Variants in ARL15 observed in about 807,000 individuals in gnomAD.
ARL15 encodes the protein ADP-ribosylation factor-like protein 15.
A neutral mutation model predicts 25.2 loss-of-function variants in ARL15; 19 were observed. That is an observed-to-expected ratio of 0.75 (90% CI 0.53 to 1.10). The LOEUF is 1.10. Ranked by LOEUF, ARL15 falls within the 50% of genes least tolerant of loss-of-function variation. The pLI, the probability that ARL15 is intolerant of heterozygous loss-of-function variation, is 0.00. For missense variants in ARL15, 220 were observed against 246.0 expected (o/e 0.89, Z 0.71); for synonymous variants, 94 against 86.8 (o/e 1.08, Z -0.46).
chr5:54,048,413 T>A (rs973982887), intron 4 of ARL15: 6 of 144,894 alleles, frequency 4.1e-5, no homozygotes, highest in African/African-American at 1.5e-4. Context: ...ATATATTTTT[T>A]TTTTTTTGAG....
At chr5:54,296,439 CTAGA>C (rs1340924204) in intron 1 of ARL15, among the ~76,000 whole-genome samples, 1 of 152,204 alleles carries the variant, frequency 6.6e-6, no homozygotes, top group East Asian at 1.9e-4. Context: ...AGTCACAGAG[CTAGA>C]ATGCAAATGC....
chr5:54,129,974 C>T lies in ARL15; in HGVS notation c.254-16564G>A, dbSNP rs185337232. On this transcript the variant is annotated intron_variant, in intron 3 of 4. Transcript: ENST00000504924. ...AAAATATTGGCTGGATGTGGTGGCT[C>T]ATGCCTATAATCCCAGCACTTGGGG... is the stretch of plus-strand genomic sequence containing the variant. 1.2e-4 allele frequency among the ~76,000 whole-genome samples: 18 copies of T among 152,312 alleles called. No homozygotes were observed. In the East Asian group the frequency reaches 1.5e-3, roughly 13 times the overall value.
chr5:54,043,238 A>T (rs2111955018), intron 4 of ARL15, among the ~76,000 whole-genome samples: 1 of 152,114 alleles, frequency 6.6e-6, no homozygotes, highest in Non-Finnish European at 1.5e-5. Flanking sequence ...CATTAAAAAT[A>T]GTATTAAACA....
intron 4 of ARL15, among the ~76,000 whole-genome samples, chr5:53,984,914 A>G (rs1748239651): frequency 1.3e-5 from 2 of 152,146 alleles, no homozygotes; most frequent in African/African-American, 4.8e-5. Context: ...ACCTTCAATT[A>G]TGGCTGTTTA....
chr5:54,165,986 T>G (rs1206231362), intron 2 of ARL15, among the ~76,000 whole-genome samples: 2 of 152,038 alleles, frequency 1.3e-5, no homozygotes, highest in East Asian at 3.9e-4. Context: ...TGGAGGACAA[T>G]CTGTCAAAAT....
intron 4 of ARL15, among the ~76,000 whole-genome samples, chr5:54,039,406 T>A (rs569477397): frequency 4.6e-5 from 7 of 152,302 alleles, no homozygotes; most frequent in African/African-American, 1.7e-4. Flanking sequence ...TATATTTCTA[T>A]CACTCACTTA....
At chr5:54,053,786 A>C (rs1259616202) in intron 4 of ARL15, among the ~76,000 whole-genome samples, 1 of 152,248 alleles carries the variant, frequency 6.6e-6, no homozygotes, top group African/African-American at 2.4e-5. Context: ...AGAAGCTGTC[A>C]CAGCTAAGTG....
At chr5:54,121,858 A>C (rs922487837) in intron 3 of ARL15, among the ~76,000 whole-genome samples, 3 of 152,178 alleles carry the variant, frequency 2.0e-5, no homozygotes, top group South Asian at 4.1e-4. Context: ...GATTGTGAGG[A>C]TTAAATAACT....
At chr5:54,196,487 A>G (rs1755553108) in intron 1 of ARL15, among the ~76,000 whole-genome samples, 1 of 152,178 alleles carries the variant, frequency 6.6e-6, no homozygotes, top group Admixed American at 6.6e-5. Flanking sequence ...TGGGACTAAT[A>G]TACAGTTGTG....
At chr5:54,176,293 G>A (rs780589106) in intron 1 of ARL15, among the ~76,000 whole-genome samples, 7 of 152,154 alleles carry the variant, frequency 4.6e-5, no homozygotes, top group Admixed American at 2.0e-4. Flanking sequence ...CATCCTATGG[G>A]TAACAGGAAT....
At chr5:54,063,474 T>G (rs916300911) in intron 4 of ARL15, among the ~76,000 whole-genome samples, 8 of 152,200 alleles carry the variant, frequency 5.3e-5, no homozygotes, top group African/African-American at 1.9e-4. Context: ...TATAGTAAGA[T>G]GAGCAGTAAA....
chr5:53,939,308 C>A (rs775066020), intron 4 of ARL15, among the ~76,000 whole-genome samples: 5 of 152,232 alleles, frequency 3.3e-5, no homozygotes, highest in Non-Finnish European at 5.9e-5. Flanking sequence ...TCTTATATTT[C>A]ATGCTAATGC....
At chr5:54,279,018 A>C (rs1238485240) in intron 1 of ARL15, among the ~76,000 whole-genome samples, 1 of 152,156 alleles carries the variant, frequency 6.6e-6, no homozygotes, top group African/African-American at 2.4e-5. Context: ...TTGCTCCTTA[A>C]CTTCTAAGTA....
chr5:54,197,655 T>C (rs1755590001), intron 1 of ARL15, among the ~76,000 whole-genome samples: 1 of 151,954 alleles, frequency 6.6e-6, no homozygotes, highest in Non-Finnish European at 1.5e-5. Context: ...CAATAATCAA[T>C]AGCTTACCAA....
chr5:53,955,230 C>T (rs1330091286), intron 4 of ARL15, among the ~76,000 whole-genome samples: 1 of 151,830 alleles, frequency 6.6e-6, no homozygotes, highest in Non-Finnish European at 1.5e-5. Flanking sequence ...CTTCCTTCAA[C>T]AACAATTAGG....
At chr5:53,997,975 G>A (rs549738425) in intron 4 of ARL15, among the ~76,000 whole-genome samples, 2 of 151,786 alleles carry the variant, frequency 1.3e-5, no homozygotes, top group South Asian at 4.2e-4. Flanking sequence ...TTAAACACTG[G>A]CCTGCACCAC....
chr5:54,024,933 T>G (rs1244000443), intron 4 of ARL15, among the ~76,000 whole-genome samples: 1 of 152,204 alleles, frequency 6.6e-6, no homozygotes, highest in Non-Finnish European at 1.5e-5. Flanking sequence ...AAACATTTCA[T>G]GAAGTGTTCA....
intron 1 of ARL15, among the ~76,000 whole-genome samples, chr5:54,281,226 A>C (rs898405276): frequency 6.6e-6 from 1 of 151,964 alleles, no homozygotes; most frequent in Non-Finnish European, 1.5e-5. Context: ...TGCAACCTCC[A>C]CTTCCTGGGT....
intron 4 of ARL15, among the ~76,000 whole-genome samples, chr5:54,005,539 G>T (rs1749000483): frequency 6.6e-6 from 1 of 151,856 alleles, no homozygotes; most frequent in South Asian, 2.1e-4. Context: ...AGACTACCCT[G>T]GCCAACGTGG....
Sources: gnomAD v4.1 joint callset for allele counts (sites outside exome capture counted in the v4.1 genomes callset) on GRCh38, gnomAD v4.1.1 for gene constraint, MANE v1.5 for transcripts, NCBI Gene and HGNC (gene_info 2026-07-23, HGNC 2026-07-21) for gene names.